The following LCORL variants were observed in gnomAD, a reference collection of about 807,000 sequenced individuals.
LCORL encodes the protein ligand dependent nuclear receptor corepressor like, also known as ligand-dependent nuclear receptor corepressor-like protein.
In LCORL, 41 loss-of-function variants were observed where a neutral mutation model predicts 141.8. That is an observed-to-expected ratio of 0.29 (90% CI 0.23 to 0.38). The LOEUF (loss-of-function observed/expected upper bound fraction) is 0.38. Among genes scored for constraint, LCORL ranks in the 10% least tolerant of loss-of-function variants. The probability of loss-of-function intolerance (pLI) is 1.00; values close to 1 mark genes in which losing one functional copy is unlikely to be tolerated. For synonymous variants in LCORL, 618 were observed against 694.1 expected (o/e 0.89, Z 1.72); for missense variants, 1,759 against 2,035.0 (o/e 0.86, Z 2.61).
chr4:17,866,042 T>C (rs1560267122), intron 7 of LCORL, among the ~76,000 whole-genome samples: 1 of 152,202 alleles, frequency 6.6e-6, no homozygotes, highest in Admixed American at 6.5e-5. Context: ...TCATAAGAAC[T>C]TGTATAGTCT....
Position 17,882,262 on chromosome 4 carries a change from G to C in LCORL, c.776+3806C>G, listed in dbSNP as rs965673899. On this transcript the variant is annotated intron_variant, in intron 6 of 7. Coordinates refer to ENST00000635767, the Ensembl canonical transcript of LCORL. ...AATTCAGCTAAAAGTATTCCTTTTGGACTTAGGAAAACTGGCTTAGAAAAA... is the reference window on the plus strand; with the variant it reads ...AATTCAGCTAAAAGTATTCCTTTTGCACTTAGGAAAACTGGCTTAGAAAAA... 6.1e-6 allele frequency: 6 copies of C among 984,400 alleles called. No individual in the cohort carries two copies. In the Admixed American group the frequency reaches 3.1e-4, roughly 51 times the overall value. The allele number at this position is 984,400 out of a possible 1,614,324, so 61.0% of individuals were successfully genotyped here. A position where few individuals can be genotyped will look rare whatever the true frequency, so the allele number is the denominator to read the frequency against.
At chr4:18,017,766 A>G (rs1317884708) in intron 1 of LCORL, among the ~76,000 whole-genome samples, 3 of 152,166 alleles carry the variant, frequency 2.0e-5, no homozygotes, top group African/African-American at 7.2e-5. Context: ...AAGCTAACAG[A>G]AAAAATAGAT....
chr4:17,966,496 A>G (rs893700925), intron 2 of LCORL, among the ~76,000 whole-genome samples: 14 of 152,170 alleles, frequency 9.2e-5, no homozygotes, highest in Non-Finnish European at 1.9e-4. Flanking sequence ...TCTATTAAAG[A>G]AATTAATAAT....
At chr4:17,870,564 C>T (rs1383140941) in intron 7 of LCORL, among the ~76,000 whole-genome samples, 1 of 152,122 alleles carries the variant, frequency 6.6e-6, no homozygotes, top group African/African-American at 2.4e-5. Context: ...TTTTTCTATC[C>T]TTCATGACAT....
intron 6 of LCORL, among the ~76,000 whole-genome samples, chr4:17,879,249 T>A (rs907384283): frequency 4.6e-5 from 7 of 151,198 alleles, no homozygotes; most frequent in Non-Finnish European, 1.0e-4. Flanking sequence ...GGAATATTTT[T>A]ATTTTGCTGC....
At chr4:17,949,792 A>C (rs1234845505) in intron 4 of LCORL, among the ~76,000 whole-genome samples, 1 of 152,284 alleles carries the variant, frequency 6.6e-6, no homozygotes, top group African/African-American at 2.4e-5. Flanking sequence ...TCAGTAAAAG[A>C]GTTGAGTTTT....
At chr4:17,970,279 T>C (rs1218635363) in intron 2 of LCORL, among the ~76,000 whole-genome samples, 2 of 152,172 alleles carry the variant, frequency 1.3e-5, no homozygotes, top group African/African-American at 4.8e-5. Context: ...AATTGTACTA[T>C]AACATTTCAG....
At chr4:17,932,704 A>C (rs1736247300) in intron 4 of LCORL, among the ~76,000 whole-genome samples, 1 of 152,146 alleles carries the variant, frequency 6.6e-6, no homozygotes, top group African/African-American at 2.4e-5. Flanking sequence ...GTTTTATTGA[A>C]ACACACCCAT....
chr4:17,956,915 T>C (rs1344873354), intron 4 of LCORL, among the ~76,000 whole-genome samples: 1 of 152,022 alleles, frequency 6.6e-6, no homozygotes, highest in Non-Finnish European at 1.5e-5. Context: ...GTATAAATAT[T>C]ATGTATCAGT....
At chr4:17,967,961 G>A (rs1396067580) in intron 2 of LCORL, among the ~76,000 whole-genome samples, 2 of 151,508 alleles carry the variant, frequency 1.3e-5, no homozygotes, top group South Asian at 2.1e-4. Context: ...AGGTTCAAGC[G>A]ATTCTCCTGC....
chr4:17,985,541 A>T (rs1295830457), intron 1 of LCORL, among the ~76,000 whole-genome samples: 1 of 151,782 alleles, frequency 6.6e-6, no homozygotes, highest in African/African-American at 2.4e-5. Context: ...GCCATTTTTG[A>T]TCTTTGTTGG....
chr4:17,860,554 C>T (rs1724882308), intron 7 of LCORL, among the ~76,000 whole-genome samples: 1 of 152,178 alleles, frequency 6.6e-6, no homozygotes, highest in African/African-American at 2.4e-5. Context: ...CACAGCTAAA[C>T]CATATCATTT....
At chr4:17,909,250 T>G (rs754187463) in exon 5 of LCORL, 22 of 1,613,208 alleles carry the variant, frequency 1.4e-5, no homozygotes, top group Non-Finnish European at 1.7e-5. Context: ...GTTTTACCAC[T>G]TTTTGAAATG....
At chr4:17,970,804 C>T (rs770973908) in intron 2 of LCORL, among the ~76,000 whole-genome samples, 40 of 152,134 alleles carry the variant, frequency 2.6e-4, no homozygotes, top group Non-Finnish European at 4.6e-4. Context: ...CTTGCAAGAT[C>T]CCATTCCCTT....
intron 1 of LCORL, among the ~76,000 whole-genome samples, chr4:18,006,606 G>T (rs983718967): frequency 6.6e-6 from 1 of 152,172 alleles, no homozygotes; most frequent in Non-Finnish European, 1.5e-5. Context: ...AGTCATAGTG[G>T]AAAGTGAAAG....
At position 17,881,789 on chromosome 4, in the gene LCORL, G is replaced by A; in HGVS notation, c.777-3576C>T. 4 of 980,486 alleles carry A rather than the reference G, an allele frequency of 4.1e-6. No individual in the cohort carries two copies. In the South Asian group the frequency reaches 1.4e-4, roughly 35 times the overall value. The allele number at this position is 980,486 out of a possible 1,614,324, so 60.7% of individuals were successfully genotyped here. On this transcript the variant is annotated intron_variant, in intron 6 of 7. Coordinates refer to ENST00000635767, the Ensembl canonical transcript of LCORL. ...CCCAAAGTTTTCCAAGTAAAATTCT[G>A]TATAAAGAGGTCAATAAAATTGTTT...
intron 4 of LCORL, chr4:17,913,035 T>C: frequency 4.2e-6 from 1 of 237,012 alleles, no homozygotes; most frequent in Middle Eastern, 1.6e-3. Flanking sequence ...AGTTCAGGGG[T>C]CAAAAAAAAT....
chr4:18,019,857 C>G (rs887672865), intron 1 of LCORL, among the ~76,000 whole-genome samples: 5 of 152,164 alleles, frequency 3.3e-5, no homozygotes, highest in African/African-American at 1.2e-4. Context: ...CAGAAGAGAT[C>G]TTTACATAAG....
chr4:17,865,694 C>T (rs1471349556), intron 7 of LCORL, among the ~76,000 whole-genome samples: 1 of 152,070 alleles, frequency 6.6e-6, no homozygotes, highest in Non-Finnish European at 1.5e-5. Context: ...ACTCTATTAC[C>T]AGTGGTTCTC....
Sources: gnomAD v4.1 joint callset for allele counts (sites outside exome capture counted in the v4.1 genomes callset) on GRCh38, gnomAD v4.1.1 for gene constraint, MANE v1.5 for transcripts, NCBI Gene and HGNC (gene_info 2026-07-23, HGNC 2026-07-21) for gene names.